The following PYGB variants were observed in gnomAD, a reference collection of about 807,000 sequenced individuals.
PYGB encodes the protein glycogen phosphorylase B, also known as glycogen phosphorylase, brain form.
In PYGB, 82 loss-of-function variants were observed where a neutral mutation model predicts 94.3. The ratio of observed to expected loss-of-function variants is 0.87; its 90% CI spans 0.73 to 1.04. PYGB has a LOEUF of 1.04. PYGB is among the 50% of genes least tolerant of loss of function. PYGB has a pLI of 0.00. For missense variants in PYGB, 1,132 were observed against 1,158.2 expected (o/e 0.98, Z 0.33); for synonymous variants, 488 against 479.1 (o/e 1.02, Z -0.24).
chr20:25,271,544 C>T, intron 4 of PYGB, 58 bp downstream of exon 4: 1 of 1,541,868 alleles, frequency 6.5e-7, no homozygotes, highest in African/African-American at 1.4e-5. Flanking sequence ...AATAAAATGG[C>T]AGCACTTGCA....
chr20:25,294,103 C>A, intron 17 of PYGB, 55 bp from the exon 18 acceptor site: 1 of 1,594,760 alleles, frequency 6.3e-7, no homozygotes, highest in Non-Finnish European at 8.5e-7. Context: ...GGCTTGTTCT[C>A]CAAGGTGGCC....
At chr20:25,295,765 C>G (rs1484126945) in intron 19 of PYGB, 95 bp downstream of exon 19, 5 of 1,397,648 alleles carry the variant, frequency 3.6e-6, no homozygotes, top group Non-Finnish European at 5.1e-6. Flanking sequence ...TGAGTAGATT[C>G]TTGGCCTGGG....
At chr20:25,257,300 T>C (rs1041426505) in intron 1 of PYGB, among the ~76,000 whole-genome samples, 18 of 152,158 alleles carry the variant, frequency 1.2e-4, no homozygotes, top group African/African-American at 4.3e-4. Flanking sequence ...GGGCAGTGCC[T>C]TGGGGGCTGT....
intron 2 of PYGB, among the ~76,000 whole-genome samples, chr20:25,259,769 C>T (rs1368992681): frequency 6.6e-6 from 1 of 152,200 alleles, no homozygotes; most frequent in Non-Finnish European, 1.5e-5. Flanking sequence ...CACTATTTCT[C>T]CCCTAAAAAC....
chr20:25,262,416 C>A (rs981091021), intron 2 of PYGB, among the ~76,000 whole-genome samples: 8 of 152,272 alleles, frequency 5.3e-5, no homozygotes, highest in Middle Eastern at 3.4e-3. Context: ...CCTTTACAGA[C>A]CAGCAAATGC....
At chr20:25,274,745 C>T (rs1455747450) in intron 5 of PYGB, 22 bp downstream of exon 5, 12 of 1,606,940 alleles carry the variant, frequency 7.5e-6, no homozygotes, top group Admixed American at 1.7e-5. Flanking sequence ...GAAATGTCTG[C>T]GGGCAAGGCT....
At chr20:25,289,315 T>C (rs926722227) in intron 15 of PYGB, among the ~76,000 whole-genome samples, 1 of 152,240 alleles carries the variant, frequency 6.6e-6, no homozygotes, top group Non-Finnish European at 1.5e-5. Flanking sequence ...GTAAAGTCCA[T>C]AGAGATACGG....
At position 25,279,104 on chromosome 20, in the gene PYGB, G is replaced by C. The variant is rs1354437622; in HGVS notation, c.1047G>C (p.Glu349Asp). Residue 349 changes from glutamate to aspartate, a missense_variant, in exon 9 of 20, where the codon GAG (glutamate) becomes GAC (aspartate). Coordinates refer to ENST00000216962, the MANE Select transcript of PYGB (RefSeq NM_002862.4). ...NDTHPALSIP[E>D]LMRILVDVEK... is the part of the protein sequence containing the mutation. Reference sequence around the variant, plus strand: ...CCCACCCCGCCCTCTCCATCCCTGAGCTCATGCGGATCCTGGTGGACGTGG... The same window carrying C: ...CCCACCCCGCCCTCTCCATCCCTGACCTCATGCGGATCCTGGTGGACGTGG... The C allele has an allele frequency of 1.2e-6, 2 of 1,613,948 alleles. No individual in the cohort carries two copies. Among genetic ancestry groups the C allele is most frequent in the Non-Finnish European group, 1.7e-6 (2 of 1,179,958 alleles).
intron 17 of PYGB, chr20:25,293,939 G>GGATT: frequency 1.7e-6 from 1 of 586,786 alleles, no homozygotes; most frequent in Non-Finnish European, 3.0e-6. Flanking sequence ...GGAGCAGGTG[G>GGATT]GATTGGCTTT....
chr20:25,286,149 C>T (rs1305281966), intron 14 of PYGB, among the ~76,000 whole-genome samples: 1 of 152,224 alleles, frequency 6.6e-6, no homozygotes, highest in Non-Finnish European at 1.5e-5. Flanking sequence ...AGGGCATTTT[C>T]GCCAATACTC....
rs2088552465 is a variant in PYGB, at chr20:25,296,701, C to T, written c.*179C>T. ...GAGAGCAGGGTAAGGAAGGAATGTG[C>T]TAGAAGTGCTCCTAGTTTCTTGTAA... On this transcript the variant is annotated 3_prime_UTR_variant, in exon 20 of 20. Transcript: ENST00000216962. 3 of 794,766 alleles carry T rather than the reference C, an allele frequency of 3.8e-6. No individual in the cohort carries two copies. The highest frequency in any genetic ancestry group is 1.9e-5 in the South Asian group (1 of 53,406). The allele number at this position is 794,766 out of a possible 1,614,324, so 49.2% of individuals were successfully genotyped here.
Position 25,296,317 on chromosome 20 carries a change from A to C in PYGB, c.2380-53A>C. ...TAAAGTTCTGGAATCCCATGTTTTT[A>C]GCAGCCCCAAGCCCTGTGACGCCAG... On this transcript the variant is annotated intron_variant, in intron 19 of 19. Coordinates refer to ENST00000216962, the MANE Select transcript of PYGB (RefSeq NM_002862.4). 3 of 1,601,850 alleles carry C rather than the reference A, an allele frequency of 1.9e-6. No individual in the cohort carries two copies. The South Asian group carries it at 3.3e-5, about 18-fold the overall frequency.
chr20:25,294,043 T>G, intron 17 of PYGB, 115 bp from the exon 18 acceptor site: 1 of 1,442,446 alleles, frequency 6.9e-7, no homozygotes, highest in East Asian at 2.5e-5. Context: ...CGTGCAGGCC[T>G]TGAGCTCCCA....
At chr20:25,286,352 GTC>G (rs907192801) in intron 14 of PYGB, among the ~76,000 whole-genome samples, 2 of 152,142 alleles carry the variant, frequency 1.3e-5, no homozygotes, top group African/African-American at 2.4e-5. Context: ...GCTCTCTGGA[GTC>G]TCTGCCGGCT....
chr20:25,291,788 G>A (rs1390321335), intron 16 of PYGB, among the ~76,000 whole-genome samples: 3 of 152,250 alleles, frequency 2.0e-5, no homozygotes, highest in Non-Finnish European at 2.9e-5. Context: ...CGTTCTCCCC[G>A]GCAGTGTTGC....
intron 1 of PYGB, among the ~76,000 whole-genome samples, chr20:25,253,623 T>TAAATAAAATAAAATAAAATA (rs61580405): frequency 9.7e-4 from 142 of 146,316 alleles, no homozygotes; most frequent in Middle Eastern, 3.5e-3. Flanking sequence ...CAACTCTGCC[T>TAAATAAAATAAAATAAAATA]AAATAAAATA....
At chr20:25,275,968 CCT>C (rs2088307658) in intron 5 of PYGB, among the ~76,000 whole-genome samples, 1 of 152,236 alleles carries the variant, frequency 6.6e-6, no homozygotes, top group Non-Finnish European at 1.5e-5. Context: ...CCCAAGCATC[CCT>C]GAGTGCGCCT....
intron 3 of PYGB, among the ~76,000 whole-genome samples, chr20:25,271,125 C>A (rs1431491842): frequency 6.6e-6 from 1 of 152,126 alleles, no homozygotes; most frequent in East Asian, 1.9e-4. Flanking sequence ...TGGAGAGGTT[C>A]CAGGCCTGGC....
chr20:25,276,770 G>C lies in PYGB; in HGVS notation c.772+13G>C. On this transcript the variant is annotated intron_variant, in intron 6 of 19. Coordinates refer to ENST00000216962, the MANE Select transcript of PYGB (RefSeq NM_002862.4). ...AAGCTGCAGGACTGTACGTTCCGTG[G>C]TTCTTGGCACCCTTGTGTCCATGTG... 6 of 1,609,404 alleles carry C rather than the reference G, an allele frequency of 3.7e-6. No individual in the cohort carries two copies. The highest frequency in any genetic ancestry group is 5.1e-6 in the Non-Finnish European group (6 of 1,176,162).
Sources: allele counts gnomAD v4.1 joint callset (sites outside exome capture counted in the v4.1 genomes callset), GRCh38; gene constraint gnomAD v4.1.1; transcripts MANE v1.5; gene names NCBI Gene and HGNC (gene_info 2026-07-23, HGNC 2026-07-21).